Variants in ZNF534 observed in about 807,000 individuals in gnomAD.
ZNF534 encodes the protein KRAB domain only 3.
A neutral mutation model predicts 13.6 loss-of-function variants in ZNF534; 19 were observed. The ratio of observed to expected loss-of-function variants is 1.40; its 90% confidence interval spans 0.97 to 2.05. The LOEUF is 2.05. Among genes scored for constraint, ZNF534 ranks in the 30% most tolerant of loss-of-function variants. The pLI, the probability that ZNF534 is intolerant of heterozygous loss-of-function variation, is 0.00. For missense variants in ZNF534, 782 were observed against 796.3 expected (o/e 0.98, Z 0.22); for synonymous variants, 244 against 273.8 (o/e 0.89, Z 1.07).
At chr19:52,445,317 C>T (rs1476685977), downstream of ZNF534, among the ~76,000 whole-genome samples, 1 of 152,110 alleles carries the variant, frequency 6.6e-6, no homozygotes, top group Non-Finnish European at 1.5e-5. Flanking sequence ...CTGCCTCATC[C>T]TCCTGACTAG....
rs11475626 is a variant in ZNF534, at chr19:52,429,232, TA to T, written c.-78del. On this transcript the variant is annotated 5_prime_UTR_variant, in exon 1 of 5. Coordinates refer to ENST00000433050, the MANE Select transcript of ZNF534 (RefSeq NM_001143938.3). ...CACCCGACTGCGCGGAAAGACTGTC[TA>T]AGCCGCCACTCGTGAGTTTGCCTTT... 0.16 allele frequency: 23,895 copies of T among 152,188 alleles called. 2,598 individuals carry two copies. The highest frequency in any genetic ancestry group is 0.31 in the African/African-American group (12,972 of 41,476). 9.4% of individuals were successfully genotyped at this position (152,188 alleles called of 1,614,324 possible).
At chr19:52,432,495 T>C (rs2059094193) in intron 2 of ZNF534, among the ~76,000 whole-genome samples, 1 of 152,208 alleles carries the variant, frequency 6.6e-6, no homozygotes, top group East Asian at 1.9e-4. Flanking sequence ...TATTCTTTCA[T>C]TGGCTTTTGT....
At chr19:52,430,344 G>C (rs1292717232) in intron 1 of ZNF534, among the ~76,000 whole-genome samples, 3 of 152,096 alleles carry the variant, frequency 2.0e-5, no homozygotes, top group Non-Finnish European at 4.4e-5. Context: ...ATATGCCAGT[G>C]AGAAGCTGTA....
At position 52,447,713 on chromosome 19, in the gene ZNF534, TGTA is replaced by T. The variant is rs201967674; in HGVS notation, c.272-3469_272-3467del. Among the ~76,000 whole-genome samples, 1,502 of 152,314 alleles carry T rather than the reference TGTA, an allele frequency of 9.9e-3. 71 individuals carry two copies. The highest frequency in any genetic ancestry group is 0.086 in the Admixed American group (1,312 of 15,280). ...TTATTTTTTTCTTCTCATAACGCAGTGTAGTAGACAGAACACTGATTGAATTTT... is the reference window on the plus strand; with the variant it reads ...TTATTTTTTTCTTCTCATAACGCAGTGTAGACAGAACACTGATTGAATTTT... On this transcript the variant is annotated intron_variant, in intron 4 of 4. Coordinates refer to the ZNF534 transcript ENST00000301085.
At chr19:52,436,619 T>TACAA (rs2059130692) in intron 4 of ZNF534, among the ~76,000 whole-genome samples, 1 of 152,228 alleles carries the variant, frequency 6.6e-6, no homozygotes, top group African/African-American at 2.4e-5. Flanking sequence ...TTAGGGTTTG[T>TACAA]AAGGTTTTCT....
intron 4 of ZNF534, among the ~76,000 whole-genome samples, chr19:52,436,236 C>T (rs1226136580): frequency 6.6e-6 from 1 of 152,132 alleles, no homozygotes; most frequent in African/African-American, 2.4e-5. Context: ...CCGTGCCCGG[C>T]CCTTATTTTT....
intron 1 of ZNF534, among the ~76,000 whole-genome samples, chr19:52,429,774 T>C (rs1363386595): frequency 6.6e-6 from 1 of 151,960 alleles, no homozygotes; most frequent in Non-Finnish European, 1.5e-5. Context: ...TTTGTATTTT[T>C]AGTAGAGATG....
Position 52,437,947 on chromosome 19 carries a change from T to A in ZNF534, c.487T>A (p.Tyr163Asn). Residue 163 changes from tyrosine (Y) to asparagine (N), a missense_variant, in exon 5 of 5, where the codon TAC becomes AAC. Coordinates refer to ENST00000433050, the MANE Select transcript of ZNF534 (RefSeq NM_001143938.3). ...FSVKTHIFNNYRNDFLFSTLL... is the reference protein window; with the variant it reads ...FSVKTHIFNNNRNDFLFSTLL... ...TGTCAAAACCCATATTTTTAATAAC[T>A]ACAGAAATGATTTTCTTTTTTCTAC... 1 of 1,613,522 alleles carries A rather than the reference T, an allele frequency of 6.2e-7. No homozygotes were observed. Among genetic ancestry groups the A allele is most frequent in the South Asian group, 1.1e-5 (1 of 90,956 alleles).
chr19:52,433,281 T>TTGTCG (rs1306202807), intron 2 of ZNF534, among the ~76,000 whole-genome samples: 4 of 150,798 alleles, frequency 2.7e-5, no homozygotes, highest in Non-Finnish European at 5.9e-5. Flanking sequence ...ACTGTAGACA[T>TTGTCG]TGTCATCTCT....
At chr19:52,435,285 C>A in intron 4 of ZNF534, 76 bp downstream of exon 4, 1 of 1,473,284 alleles carries the variant, frequency 6.8e-7, no homozygotes, top group Non-Finnish European at 9.1e-7. Context: ...GTCATCCAGG[C>A]TGGAGTACAG....
rs1361257162 is a variant in ZNF534 at position 52,439,749 on chromosome 19, T to G, written c.*303T>G. Among the ~76,000 whole-genome samples, 2 of 99,074 alleles carry G rather than the reference T, an allele frequency of 2.0e-5. No homozygotes were observed. The highest frequency in any genetic ancestry group is 3.6e-5 in the African/African-American group (1 of 27,908). The allele number at this position is 99,074 out of a possible 152,430, so 65.0% of individuals were successfully genotyped here. On this transcript the variant is annotated 3_prime_UTR_variant, in exon 5 of 5. Coordinates refer to ENST00000433050, the MANE Select transcript of ZNF534 (RefSeq NM_001143938.3). ...TCCAGCCTAGGTGACAGAGTGAAAC[T>G]CCATCTCAAAAAAAGAAAAAAAAAA...
In ZNF534 at chr19:52,438,403, G is replaced by C. The variant is rs777535380; in HGVS notation, c.943G>C (p.Ala315Pro). The change falls in exon 5 of 5, where the codon GCT (alanine) becomes CCT (proline). Residue 315 changes from alanine to proline, a missense_variant. Ala to Pro is a conservative substitution (Grantham distance 27). Coordinates refer to ENST00000433050, the MANE Select transcript of ZNF534 (RefSeq NM_001143938.3). The stretch of plus-strand genomic sequence containing the variant: ...ATTTAGTGTGTGTTCCAGTCTTACT[G>C]CTCATCTTGTAATCCATACTGGAGA... ...KAFSVCSSLT[A>P]HLVIHTGEKP... 1.9e-6 allele frequency: 3 copies of C among 1,613,614 alleles called. No individual in the cohort carries two copies. Among genetic ancestry groups the C allele is most frequent in the Non-Finnish European group, 2.5e-6 (3 of 1,179,830 alleles).
rs1483524019 is a variant in ZNF534, at chr19:52,439,102, A to T, written c.1642A>T (p.Lys548Ter). Reference sequence around the variant, plus strand: ...ACATAGGAATGTTCATACTGGAGAAAAGCCTTACAGTTGTAATGAATGTGG... The same window carrying T: ...ACATAGGAATGTTCATACTGGAGAATAGCCTTACAGTTGTAATGAATGTGG... ...VRHRNVHTGE[K>*]PYSCNECGKV... Residue 548 changes from lysine to a stop codon, truncating the protein, a stop_gained, in exon 5 of 5, where the codon AAG (lysine) becomes TAG (stop). Transcript: ENST00000433050. LOFTEE classifies it low-confidence loss of function (END_TRUNC). 1 of 1,595,414 alleles carries T rather than the reference A, an allele frequency of 6.3e-7. No individual in the cohort carries two copies. Among genetic ancestry groups the T allele is most frequent in the African/African-American group, 1.3e-5 (1 of 74,244 alleles).
In ZNF534 at chr19:52,442,195, C is replaced by G. The variant is rs1472633556; in HGVS notation, c.*2749C>G. 1.3e-5 allele frequency among the ~76,000 whole-genome samples: 2 copies of G among 152,164 alleles called. No individual in the cohort carries two copies. The highest frequency in any genetic ancestry group is 2.1e-4 in the South Asian group (1 of 4,822). ...ACAGGCCACCAAAACTGGCCATAAACAAAATCTCTGTAGGACTGTGACATG... is the reference window on the plus strand; with the variant it reads ...ACAGGCCACCAAAACTGGCCATAAAGAAAATCTCTGTAGGACTGTGACATG... On this transcript the variant is annotated 3_prime_UTR_variant, in exon 5 of 5. Coordinates refer to ENST00000433050, the MANE Select transcript of ZNF534 (RefSeq NM_001143938.3).
At chr19:52,431,547 A>G (rs2059087428) in intron 2 of ZNF534, 58 bp downstream of exon 2, 17 of 1,609,708 alleles carry the variant, frequency 1.1e-5, no homozygotes, top group Non-Finnish European at 1.4e-5. Context: ...AATGCCAGGC[A>G]TTGGAGTTGC....
Position 52,441,135 on chromosome 19 carries a change from A to T in ZNF534, c.*1689A>T, listed in dbSNP as rs1446041658. Among the ~76,000 whole-genome samples the T allele has an allele frequency of 6.6e-6, 1 of 152,122 alleles. No individual in the cohort carries two copies. The highest frequency in any genetic ancestry group is 6.5e-5 in the Admixed American group (1 of 15,282). On this transcript the variant is annotated 3_prime_UTR_variant, in exon 5 of 5. Transcript: ENST00000433050. ...TAGCCAGGCTGGTCTCGATCTCCTGACCTTGTGATCCATCTGCCTTGGCCT... is the reference window on the plus strand; with the variant it reads ...TAGCCAGGCTGGTCTCGATCTCCTGTCCTTGTGATCCATCTGCCTTGGCCT...
Position 52,431,532 on chromosome 19 carries a change from C to T in ZNF534, c.15+43C>T, listed in dbSNP as rs545505413. The T allele has an allele frequency of 2.0e-4, 322 of 1,612,908 alleles. 7 individuals are homozygous for T. The South Asian group carries it at 3.4e-3, about 17-fold the overall frequency. ...GTGGATTGTTCTGTCTCTGTTTCTT[C>T]CTGAAATGCCAGGCATTGGAGTTGC... On this transcript the variant is annotated intron_variant, in intron 2 of 4. Coordinates refer to ENST00000433050, the MANE Select transcript of ZNF534 (RefSeq NM_001143938.3).
chr19:52,431,900 C>G (rs1187829440), intron 2 of ZNF534, among the ~76,000 whole-genome samples: 3 of 150,084 alleles, frequency 2.0e-5, no homozygotes, highest in Non-Finnish European at 4.4e-5. Flanking sequence ...GTTGCCCAGG[C>G]TGGAGTGTGG....
In ZNF534 at chr19:52,440,889, G is replaced by T. The variant is rs895750350; in HGVS notation, c.*1443G>T. On this transcript the variant is annotated 3_prime_UTR_variant, in exon 5 of 5. Transcript: ENST00000433050. The stretch of plus-strand genomic sequence containing the variant: ...AACTGTTCATTTTGTAATCCATAGT[G>T]GAGATAAGTCTTTTTTTTTTTTTTC... Among the ~76,000 whole-genome samples the T allele has an allele frequency of 6.6e-6, 1 of 151,750 alleles. No individual in the cohort carries two copies. Among genetic ancestry groups the T allele is most frequent in the African/African-American group, 2.4e-5 (1 of 41,330 alleles).
Sources: gnomAD v4.1 joint callset for allele counts (sites outside exome capture counted in the v4.1 genomes callset) on GRCh38, gnomAD v4.1.1 for gene constraint, MANE v1.5 for transcripts, NCBI Gene and HGNC (gene_info 2026-07-23, HGNC 2026-07-21) for gene names.